PKN2: variants seen among roughly 807,000 people sequenced by gnomAD.
PKN2 encodes protein kinase N2.
Under a neutral mutation model 119.1 loss-of-function variants are expected in PKN2, and 38 were observed. The observed-to-expected ratio is 0.32, with a 90% CI of 0.25 to 0.42. PKN2 has a LOEUF of 0.42. PKN2 is among the 10% of genes least tolerant of loss of function. PKN2 has a pLI of 1.00. For missense variants in PKN2, 850 were observed against 1,165.1 expected, an observed-to-expected ratio of 0.73 and a Z score of 3.94; for synonymous variants, 390 against 384.9, an observed-to-expected ratio of 1.01 and a Z score of -0.15.
chr1:88,722,062 C>T (rs759191620), intron 1 of PKN2, among the ~76,000 whole-genome samples: 2 of 152,126 alleles, frequency 1.3e-5, no homozygotes, highest in Non-Finnish European at 2.9e-5. Context: ...ATCAGATGCT[C>T]TAGAGTCATT....
chr1:88,774,378 C>T (rs1436979537), intron 6 of PKN2, among the ~76,000 whole-genome samples: 1 of 152,206 alleles, frequency 6.6e-6, no homozygotes, highest in Admixed American at 6.5e-5. Flanking sequence ...CTCAAAGCCT[C>T]AACCTCCTGA....
chr1:88,799,988 C>T (rs1216204692), intron 8 of PKN2, among the ~76,000 whole-genome samples: 1 of 152,188 alleles, frequency 6.6e-6, no homozygotes, highest in Non-Finnish European at 1.5e-5. Flanking sequence ...CATCTTTCCT[C>T]AGCTCTTGAA....
chr1:88,716,091 AGTT>A (rs1667438217), intron 1 of PKN2, among the ~76,000 whole-genome samples: 1 of 152,166 alleles, frequency 6.6e-6, no homozygotes, highest in African/African-American at 2.4e-5. Flanking sequence ...CTTTCCATGT[AGTT>A]GTGTGGTTTT....
At chr1:88,785,544 G>A (rs560277764) in intron 7 of PKN2, among the ~76,000 whole-genome samples, 1 of 152,174 alleles carries the variant, frequency 6.6e-6, no homozygotes, top group African/African-American at 2.4e-5. Context: ...ATGGGGGATG[G>A]TAGGGGTTGG....
chr1:88,792,512 T>TA (rs1381387051), intron 8 of PKN2, among the ~76,000 whole-genome samples: 1 of 152,192 alleles, frequency 6.6e-6, no homozygotes, highest in Non-Finnish European at 1.5e-5. Flanking sequence ...ACGCAGGGGC[T>TA]AGGGAGCACA....
At chr1:88,686,196 A>G (rs995623921) in intron 1 of PKN2, among the ~76,000 whole-genome samples, 1 of 152,162 alleles carries the variant, frequency 6.6e-6, no homozygotes, top group African/African-American at 2.4e-5. Flanking sequence ...AATACTTTAC[A>G]TTGCCTGGTC....
In PKN2 at chr1:88,717,808, G is replaced by C. The variant is rs111352651; in HGVS notation, c.49-23180G>C. ...AGCCTACTTCTGTCAACTCGTCAAA[G>C]TCATTCTCCATCCATCTTTGTTCTC... is the stretch of plus-strand genomic sequence containing the variant. On this transcript the variant is annotated intron_variant, in intron 1 of 21. Transcript: ENST00000370521. 5.3e-5 allele frequency among the ~76,000 whole-genome samples: 8 copies of C among 152,176 alleles called. 2 individuals carry two copies. Among genetic ancestry groups the C allele is most frequent in the African/African-American group, 1.9e-4 (8 of 41,556 alleles).
Position 88,729,560 on chromosome 1 carries a change from A to G in PKN2, c.49-11428A>G, listed in dbSNP as rs539448550. On this transcript the variant is annotated intron_variant, in intron 1 of 21. Coordinates refer to ENST00000370521, the MANE Select transcript of PKN2 (RefSeq NM_006256.4). Reference sequence around the variant, plus strand: ...TTCCACATGGTTTCTCTCGTCTTCCATGTTGTCTCTCTTTCAAGCAGGATA... The same window carrying G: ...TTCCACATGGTTTCTCTCGTCTTCCGTGTTGTCTCTCTTTCAAGCAGGATA... 9.2e-5 allele frequency among the ~76,000 whole-genome samples: 14 copies of G among 152,168 alleles called. No homozygotes were observed. In the East Asian group the frequency reaches 2.7e-3, roughly 29 times the overall value.
In PKN2 at chr1:88,721,246, G is replaced by GGGA. The variant is rs201541190; in HGVS notation, c.49-19742_49-19741insGGA. Among the ~76,000 whole-genome samples, 1,287 of 152,116 alleles carry GGGA rather than the reference G, an allele frequency of 8.5e-3. 16 individuals carry two copies. The highest frequency in any genetic ancestry group is 0.03 in the African/African-American group (1,231 of 41,518). ...ACTAGTTTACATTCCCACCAGCAGT[G>GGGA]TAGAAGTGTTCCCTTTTCACCATAT... On this transcript the variant is annotated intron_variant, in intron 1 of 21. Coordinates refer to ENST00000370521, the MANE Select transcript of PKN2 (RefSeq NM_006256.4).
Position 88,771,887 on chromosome 1 carries a change from G to A in PKN2, c.985+8G>A. ...AACCAGCAGCACTAACAGGTATGTA[G>A]TGTATAGCCATTGTTTTTTGTGTGT... On this transcript the variant is annotated splice_region_variant and intron_variant, in intron 6 of 21. Transcript: ENST00000370521. 1.9e-6 allele frequency: 3 copies of A among 1,573,152 alleles called. No individual in the cohort carries two copies. The highest frequency in any genetic ancestry group is 2.6e-6 in the Non-Finnish European group (3 of 1,144,472).
chr1:88,782,661 C>G (rs1327418393), intron 6 of PKN2, among the ~76,000 whole-genome samples: 1 of 151,940 alleles, frequency 6.6e-6, no homozygotes, highest in African/African-American at 2.4e-5. Flanking sequence ...TTTTTAATCA[C>G]TAGAAATTTG....
intron 4 of PKN2, among the ~76,000 whole-genome samples, chr1:88,771,028 T>G (rs904074409): frequency 2.6e-5 from 4 of 151,918 alleles, no homozygotes; most frequent in African/African-American, 9.7e-5. Flanking sequence ...CAATCAGTCT[T>G]CATTTAAAAA....
intron 1 of PKN2, among the ~76,000 whole-genome samples, chr1:88,735,077 A>G (rs188912791): frequency 1.3e-5 from 2 of 152,318 alleles, no homozygotes; most frequent in East Asian, 1.9e-4. Flanking sequence ...TATACTTACT[A>G]GTGAGTTTTA....
In PKN2 at chr1:88,728,957, C is replaced by T. The variant is rs1164984299; in HGVS notation, c.49-12031C>T. On this transcript the variant is annotated intron_variant, in intron 1 of 21. Coordinates refer to ENST00000370521, the MANE Select transcript of PKN2 (RefSeq NM_006256.4). ...GTGCCCAGGCTGGAGTGCAATGACA[C>T]GATCTCGGCTCACCACAATCTCTGC... Among the ~76,000 whole-genome samples, 7 of 149,722 alleles carry T rather than the reference C, an allele frequency of 4.7e-5. No individual in the cohort carries two copies. The South Asian group carries it at 6.3e-4, about 13-fold the overall frequency.
At chr1:88,816,574 AT>A (rs781223672) in intron 16 of PKN2, among the ~76,000 whole-genome samples, 109 of 152,192 alleles carry the variant, frequency 7.2e-4, no homozygotes, top group Non-Finnish European at 1.3e-3. Flanking sequence ...GCTCACGTTT[AT>A]TTTAATAAAC....
intron 1 of PKN2, among the ~76,000 whole-genome samples, chr1:88,687,493 G>T (rs1254651384): frequency 6.6e-6 from 1 of 152,098 alleles, no homozygotes; most frequent in Admixed American, 6.5e-5. Context: ...AAGAAACCTG[G>T]ATTAATGAAA....
chr1:88,812,598 T>G (rs1406913673), intron 15 of PKN2, among the ~76,000 whole-genome samples: 1 of 152,060 alleles, frequency 6.6e-6, no homozygotes, highest in Non-Finnish European at 1.5e-5. Context: ...AAGCCAGGCA[T>G]GGTAGTATGT....
chr1:88,803,247 G>T (rs1671400814), intron 8 of PKN2, among the ~76,000 whole-genome samples: 1 of 151,836 alleles, frequency 6.6e-6, no homozygotes, highest in South Asian at 2.1e-4. Flanking sequence ...ATTGTATTTT[G>T]ATTCTTTTCA....
chr1:88,746,134 C>T (rs112666549), intron 2 of PKN2, among the ~76,000 whole-genome samples: 4 of 152,080 alleles, frequency 2.6e-5, no homozygotes, highest in East Asian at 1.9e-4. Context: ...TTACCTTATA[C>T]GTTTATAAGA....
Sources: gnomAD v4.1 joint callset for allele counts (sites outside exome capture counted in the v4.1 genomes callset) on GRCh38, gnomAD v4.1.1 for gene constraint, MANE v1.5 for transcripts, NCBI Gene and HGNC (gene_info 2026-07-23, HGNC 2026-07-21) for gene names.